The following RALGAPA1 variants were observed in gnomAD, a reference collection of about 807,000 sequenced individuals.
RALGAPA1 encodes the protein Ral GTPase activating protein catalytic subunit alpha 1.
A neutral mutation model predicts 269.6 loss-of-function variants in RALGAPA1; 52 were observed. The observed-to-expected ratio is 0.19, with a 90% CI of 0.15 to 0.24. The LOEUF is 0.24. RALGAPA1 is among the 10% of genes least tolerant of loss of function. The pLI, the probability that RALGAPA1 is intolerant of heterozygous loss-of-function variation, is 1.00. For synonymous variants in RALGAPA1, 817 were observed against 1,008.3 expected, an observed-to-expected ratio of 0.81 and a Z score of 3.60; for missense variants, 1,917 against 3,013.9, an observed-to-expected ratio of 0.64 and a Z score of 8.52.
chr14:35,625,474 T>C, intron 34 of RALGAPA1, 42 bp from the exon 35 acceptor site: 1 of 1,417,606 alleles, frequency 7.1e-7, no homozygotes, highest in Non-Finnish European at 9.8e-7. Flanking sequence ...ACCTTTGCAG[T>C]GAATGACAAG....
chr14:35,741,061 A>G (rs1272459089), intron 11 of RALGAPA1, among the ~76,000 whole-genome samples: 2 of 152,190 alleles, frequency 1.3e-5, no homozygotes, highest in Non-Finnish European at 2.9e-5. Flanking sequence ...AACGAATAGA[A>G]CAAACCTACA....
At chr14:35,790,645 G>A (rs1295260847) in intron 1 of RALGAPA1, among the ~76,000 whole-genome samples, 6 of 142,302 alleles carry the variant, frequency 4.2e-5, no homozygotes, top group African/African-American at 1.1e-4. Flanking sequence ...CCTAGATCGC[G>A]CCACTGCACT....
rs540082465 is a variant in RALGAPA1, at chr14:35,749,664, C to A, written c.1011+818G>T. On this transcript the variant is annotated intron_variant, in intron 9 of 41. Transcript: ENST00000680220. ...ATAGTTCTGCTTGAGAATTTTCGCA[C>A]TTAATAGTTCTTAATACAGAAGTTA... is the stretch of plus-strand genomic sequence containing the variant. Among the ~76,000 whole-genome samples the A allele has an allele frequency of 3.4e-4, 51 of 152,164 alleles. 1 individual carries two copies. Among genetic ancestry groups the A allele is most frequent in the African/African-American group, 1.2e-3 (51 of 41,536 alleles).
At chr14:35,685,641 C>T (rs1468459423) in intron 19 of RALGAPA1, among the ~76,000 whole-genome samples, 1 of 152,300 alleles carries the variant, frequency 6.6e-6, no homozygotes, top group African/African-American at 2.4e-5. Context: ...CAGTGGCTCA[C>T]TCTGGTAATC....
chr14:35,631,276 A>G (rs192502531), intron 33 of RALGAPA1, among the ~76,000 whole-genome samples: 8 of 152,238 alleles, frequency 5.3e-5, no homozygotes, highest in Admixed American at 4.6e-4. Context: ...CACAGCTCTA[A>G]TTTCCATACT....
chr14:35,664,653 T>C lies in RALGAPA1; in HGVS notation c.5317A>G (p.Thr1773Ala). Residue 1773 changes from threonine (T) to alanine (A), a missense_variant, in exon 27 of 42, where the codon ACA becomes GCA. Coordinates refer to ENST00000680220, the MANE Select transcript of RALGAPA1 (RefSeq NM_001346249.2). Reference sequence around the variant, plus strand: ...ATCTCATTTCTTACCTTAACATCTGTAAACTGAGACACAGCAACATCAGGA... The same window carrying C: ...ATCTCATTTCTTACCTTAACATCTGCAAACTGAGACACAGCAACATCAGGA... ...NIPDVAVSQF[T>A]DVKELIIKTV... 1 of 1,609,152 alleles carries C rather than the reference T, an allele frequency of 6.2e-7. No homozygotes were observed. Among genetic ancestry groups the C allele is most frequent in the Non-Finnish European group, 8.5e-7 (1 of 1,178,294 alleles).
intron 39 of RALGAPA1, among the ~76,000 whole-genome samples, chr14:35,552,409 T>A (rs1006152994): frequency 9.2e-5 from 14 of 152,284 alleles, no homozygotes; most frequent in African/African-American, 1.9e-4. Flanking sequence ...GGAAGAGTTA[T>A]TAGTACATAT....
rs34917498 is a variant in RALGAPA1, at chr14:35,552,719, CAAA to C, written c.7497-3488_7497-3486del. Among the ~76,000 whole-genome samples, 740 of 117,034 alleles carry C rather than the reference CAAA, an allele frequency of 6.3e-3. 6 individuals carry two copies. The highest frequency in any genetic ancestry group is 0.035 in the East Asian group (154 of 4,406). 76.8% of individuals were successfully genotyped at this position (117,034 alleles called of 152,430 possible). A position where few individuals can be genotyped will look rare whatever the true frequency, so the allele number is the denominator to read the frequency against. On this transcript the variant is annotated intron_variant, in intron 39 of 41. Transcript: ENST00000680220. ...AATCTTTAATACAGAACTAGCCAAT[CAAA>C]AAAAAAAAAAAAATAACACACAGGT...
At chr14:35,673,625 G>T (rs1412557991) in intron 24 of RALGAPA1, among the ~76,000 whole-genome samples, 3 of 152,014 alleles carry the variant, frequency 2.0e-5, no homozygotes, top group Non-Finnish European at 4.4e-5. Flanking sequence ...TCATCACACA[G>T]GCTGGAGTGC....
chr14:35,739,442 T>C (rs1401810216), intron 11 of RALGAPA1, among the ~76,000 whole-genome samples: 4 of 152,158 alleles, frequency 2.6e-5, no homozygotes, highest in Non-Finnish European at 4.4e-5. Flanking sequence ...TTAAGCTCCA[T>C]GTCCCTGTAA....
Position 35,775,695 on chromosome 14 carries a change from G to A in RALGAPA1, c.157C>T (p.His53Tyr), listed in dbSNP as rs908134224. The A allele has an allele frequency of 1.3e-6, 2 of 1,575,978 alleles. No individual in the cohort carries two copies. The highest frequency in any genetic ancestry group is 1.7e-6 in the Non-Finnish European group (2 of 1,167,170). ...TTTTCAAAGAACACATAGTATATAT[G>A]TGAAAAATGTTGGTCGAAAAACTGT... ...LKQFFDQHFS[H>Y]IYYVFFENFV... Residue 53 changes from histidine to tyrosine, a missense_variant, in exon 2 of 42, where the codon CAT becomes TAT. This residue lies in a region of RALGAPA1 where 462 missense variants were observed against 725.6 expected (regional missense o/e 0.64). Transcript: ENST00000680220.
intron 31 of RALGAPA1, among the ~76,000 whole-genome samples, chr14:35,651,122 G>GA (rs1476031015): frequency 4.0e-5 from 6 of 151,834 alleles, no homozygotes; most frequent in Non-Finnish European, 7.4e-5. Context: ...ATAGTCAAAA[G>GA]AAAAAAACTC....
At chr14:35,593,128 T>C (rs2058733109) in intron 37 of RALGAPA1, among the ~76,000 whole-genome samples, 1 of 152,166 alleles carries the variant, frequency 6.6e-6, no homozygotes, top group Non-Finnish European at 1.5e-5. Context: ...AAAACAGTGT[T>C]ACAACTAACA....
chr14:35,750,440 G>T (rs760002760), intron 9 of RALGAPA1, 42 bp downstream of exon 9: 16 of 1,515,430 alleles, frequency 1.1e-5, no homozygotes, highest in Non-Finnish European at 2.7e-6. Flanking sequence ...AATCTCAAAA[G>T]CCATTTCTAA....
At chr14:35,603,128 T>C (rs553141048) in intron 36 of RALGAPA1, among the ~76,000 whole-genome samples, 5 of 152,220 alleles carry the variant, frequency 3.3e-5, no homozygotes, top group African/African-American at 7.2e-5. Context: ...TACCACACTA[T>C]CTTCTTTTTC....
Position 35,747,897 on chromosome 14 carries a change from C to CT in RALGAPA1, c.1251+687dup, listed in dbSNP as rs369401504. On this transcript the variant is annotated intron_variant, in intron 10 of 41. Transcript: ENST00000680220. ...ATAGCTTTTTGTTCTTTTATTTTCC[C>CT]TTTTTTTTTTCTATACTTTCCTTAA... 2.5e-3 allele frequency among the ~76,000 whole-genome samples: 377 copies of CT among 148,698 alleles called. 2 individuals carry two copies. Among genetic ancestry groups the CT allele is most frequent in the Middle Eastern group, 0.021 (6 of 282 alleles).
intron 35 of RALGAPA1, among the ~76,000 whole-genome samples, chr14:35,608,257 ATGGTAAGGGGAAAAAAATCATAC>A (rs1403358573): frequency 2.6e-5 from 4 of 152,172 alleles, no homozygotes; most frequent in African/African-American, 7.2e-5. Context: ...TAAAAATCAA[ATGGTAAGGGGAAAAAAATCATAC>A]TGGTAAGGGG....
chr14:35,782,416 C>CT (rs1291253380), intron 1 of RALGAPA1, among the ~76,000 whole-genome samples: 11 of 151,928 alleles, frequency 7.2e-5, no homozygotes, highest in Admixed American at 1.3e-4. Flanking sequence ...TCAATGTACT[C>CT]TTTTTTTTCT....
intron 37 of RALGAPA1, among the ~76,000 whole-genome samples, chr14:35,584,195 A>C (rs1358135065): frequency 6.6e-6 from 1 of 152,216 alleles, no homozygotes; most frequent in Non-Finnish European, 1.5e-5. Context: ...GAATGACAGC[A>C]ATGATACAAG....
Sources: allele counts gnomAD v4.1 joint callset (sites outside exome capture counted in the v4.1 genomes callset), GRCh38; gene constraint gnomAD v4.1.1; regional missense constraint gnomAD v4.1.1; transcripts MANE v1.5; gene names NCBI Gene and HGNC (gene_info 2026-07-23, HGNC 2026-07-21).